The following ERC1 variants were observed in gnomAD, a reference collection of about 807,000 sequenced individuals.
ERC1 encodes the protein ELKS/RAB6-interacting/CAST family member 1.
In ERC1, 56 loss-of-function variants were observed where a neutral mutation model predicts 132.0. The observed-to-expected ratio is 0.42, with a 90% confidence interval of 0.34 to 0.53. ERC1 has a LOEUF of 0.53. ERC1 is among the 20% of genes least tolerant of loss of function. ERC1 has a pLI of 0.03. For missense variants in ERC1, 1,202 were observed against 1,349.9 expected, an observed-to-expected ratio of 0.89 and a Z score of 1.72; for synonymous variants, 478 against 476.1, an observed-to-expected ratio of 1.00 and a Z score of -0.05.
rs1426227846 is a variant in ERC1 at position 992,931 on chromosome 12, T to G, written c.-157+1609T>G. Among the ~76,000 whole-genome samples the G allele has an allele frequency of 2.6e-5, 4 of 152,348 alleles. No individual in the cohort carries two copies. The East Asian group carries it at 7.7e-4, about 29-fold the overall frequency. On this transcript the variant is annotated intron_variant, in intron 1 of 18. Coordinates refer to ENST00000360905, the MANE Select transcript of ERC1 (RefSeq NM_178040.4). ...CTTTCCCAAGGCTTGCCTAGTTTAT[T>G]TGGGAAAATAGCCAGAGAAGTGCTT...
At chr12:1,141,067 T>C (rs979636996) in intron 7 of ERC1, among the ~76,000 whole-genome samples, 2 of 152,194 alleles carry the variant, frequency 1.3e-5, no homozygotes, top group African/African-American at 4.8e-5. Context: ...TTATATCTAA[T>C]GAAAGGCATT....
chr12:1,230,576 T>C (rs140888051), intron 12 of ERC1, among the ~76,000 whole-genome samples: 1 of 152,332 alleles, frequency 6.6e-6, no homozygotes, highest in Non-Finnish European at 1.5e-5. Flanking sequence ...ATGTTTCATA[T>C]AGTCTGTTAT....
In ERC1 at chr12:1,110,299, G is replaced by A; in HGVS notation, c.1269G>A (p.Met423Ile). ...GTACTGAGGAAAGGGAAGAAGAAAT[G>A]AAGCAAATGGAAGTGTATCGGAGCC... ...ALSTEEREEE[M>I]KQMEVYRSHS... Residue 423 changes from methionine (M) to isoleucine (I), a missense_variant, in exon 5 of 19, where the codon ATG becomes ATA. Coordinates refer to ENST00000360905, the MANE Select transcript of ERC1 (RefSeq NM_178040.4). 1 of 1,613,450 alleles carries A rather than the reference G, an allele frequency of 6.2e-7. No homozygotes were observed. Among genetic ancestry groups the A allele is most frequent in the Non-Finnish European group, 8.5e-7 (1 of 1,179,652 alleles).
chr12:1,353,793 T>C (rs1248742456), intron 15 of ERC1, among the ~76,000 whole-genome samples: 1 of 152,208 alleles, frequency 6.6e-6, no homozygotes, highest in Non-Finnish European at 1.5e-5. Flanking sequence ...GCTCAGCCCA[T>C]TGCAATATAG....
intron 15 of ERC1, among the ~76,000 whole-genome samples, chr12:1,295,520 C>T (rs137977342): frequency 3.6e-4 from 55 of 152,016 alleles, no homozygotes; most frequent in African/African-American, 1.3e-3. Context: ...GAGATAGAGC[C>T]GTGGGGAATC....
chr12:1,400,596 A>G (rs1171872587), intron 16 of ERC1, among the ~76,000 whole-genome samples: 2 of 151,996 alleles, frequency 1.3e-5, no homozygotes, highest in South Asian at 2.1e-4. Flanking sequence ...TTATTCTTTT[A>G]TATGTTCTGA....
chr12:1,280,911 G>A (rs1040062933), intron 14 of ERC1, among the ~76,000 whole-genome samples: 1 of 151,988 alleles, frequency 6.6e-6, no homozygotes, highest in Non-Finnish European at 1.5e-5. Flanking sequence ...CCAACATTGT[G>A]TTTCTAACAA....
chr12:1,128,686 G>A (rs1323579577), intron 7 of ERC1, among the ~76,000 whole-genome samples: 2 of 152,010 alleles, frequency 1.3e-5, no homozygotes, highest in African/African-American at 4.8e-5. Context: ...TATCTATGTA[G>A]TAACACTCAG....
chr12:1,170,372 G>A (rs1347263298), intron 8 of ERC1, among the ~76,000 whole-genome samples: 1 of 151,956 alleles, frequency 6.6e-6, no homozygotes, highest in African/African-American at 2.4e-5. Flanking sequence ...GCCTGCTTTA[G>A]TTTTTAAAAA....
chr12:1,251,745 G>A (rs909262785), intron 13 of ERC1, among the ~76,000 whole-genome samples: 8 of 151,992 alleles, frequency 5.3e-5, no homozygotes, highest in Admixed American at 2.0e-4. Context: ...TTTCCCTCTG[G>A]CCACATGTCA....
At chr12:1,042,072 G>A (rs1277613915) in intron 2 of ERC1, among the ~76,000 whole-genome samples, 1 of 151,982 alleles carries the variant, frequency 6.6e-6, no homozygotes, top group East Asian at 1.9e-4. Flanking sequence ...GTCTGGCTCT[G>A]TTGCCCAGGC....
At chr12:1,409,306 T>G (rs888512827) in intron 17 of ERC1, among the ~76,000 whole-genome samples, 1 of 152,182 alleles carries the variant, frequency 6.6e-6, no homozygotes, top group Non-Finnish European at 1.5e-5. Flanking sequence ...AAGAGATCAT[T>G]TTACCTTTTC....
chr12:1,222,475 A>G (rs757032242), intron 12 of ERC1, among the ~76,000 whole-genome samples: 1 of 152,082 alleles, frequency 6.6e-6, no homozygotes, highest in African/African-American at 2.4e-5. Flanking sequence ...TTGTCCCCCC[A>G]AAGTGCTGGG....
At chr12:1,301,593 C>T (rs566730332) in intron 15 of ERC1, among the ~76,000 whole-genome samples, 1 of 152,054 alleles carries the variant, frequency 6.6e-6, no homozygotes, top group African/African-American at 2.4e-5. Flanking sequence ...CATGTTCTTA[C>T]AAGGGGAGCT....
At chr12:1,166,071 A>G (rs985649942) in intron 8 of ERC1, among the ~76,000 whole-genome samples, 2 of 152,094 alleles carry the variant, frequency 1.3e-5, no homozygotes, top group Non-Finnish European at 2.9e-5. Context: ...TTTGGGGGAT[A>G]TTGGTTTTGA....
chr12:1,336,410 A>C (rs1455760536), intron 15 of ERC1, among the ~76,000 whole-genome samples: 1 of 151,838 alleles, frequency 6.6e-6, no homozygotes, highest in Non-Finnish European at 1.5e-5. Context: ...CCCTGTTAAC[A>C]TTGTCTTAGC....
chr12:1,307,790 A>T (rs2080994543), intron 15 of ERC1, among the ~76,000 whole-genome samples: 2 of 152,290 alleles, frequency 1.3e-5, no homozygotes, highest in South Asian at 4.1e-4. Context: ...TAAGCTTCTT[A>T]AAGCAGTATT....
At chr12:1,482,186 G>A (rs1430484372) in intron 18 of ERC1, among the ~76,000 whole-genome samples, 3 of 152,036 alleles carry the variant, frequency 2.0e-5, no homozygotes, top group East Asian at 1.9e-4. Context: ...ATCAAGATCC[G>A]GCGATTCCTG....
chr12:1,302,875 ATT>A (rs1185329326), intron 15 of ERC1, among the ~76,000 whole-genome samples: 1 of 152,128 alleles, frequency 6.6e-6, no homozygotes, highest in Admixed American at 6.5e-5. Context: ...AGGCAGGAGG[ATT>A]GCTTGAGCCC....
Sources: allele counts gnomAD v4.1 joint callset (sites outside exome capture counted in the v4.1 genomes callset), GRCh38; gene constraint gnomAD v4.1.1; transcripts MANE v1.5; gene names NCBI Gene and HGNC (gene_info 2026-07-23, HGNC 2026-07-21).